Variants in CSMD3 observed in about 807,000 individuals in gnomAD.
The protein encoded by CSMD3 is CUB and Sushi multiple domains 3, also known as CUB and sushi domain-containing protein 3.
In CSMD3, 177 loss-of-function variants were observed where a neutral mutation model predicts 435.2. The ratio of observed to expected loss-of-function variants is 0.41; its 90% CI spans 0.36 to 0.46. The LOEUF is 0.46. Ranked by LOEUF, CSMD3 falls within the 20% of genes least tolerant of loss-of-function variation. The pLI is 0.34. For missense variants in CSMD3, 4,265 were observed against 4,504.6 expected (o/e 0.95, Z 1.52); for synonymous variants, 1,656 against 1,520.5 (o/e 1.09, Z -2.07).
intron 32 of CSMD3, among the ~76,000 whole-genome samples, chr8:112,456,447 A>G (rs891055681): frequency 1.3e-5 from 2 of 152,146 alleles, no homozygotes; most frequent in Non-Finnish European, 1.5e-5. Context: ...ATGAAATACT[A>G]TTAAGAAAAC....
chr8:112,299,377 T>G (rs548913203), intron 53 of CSMD3, among the ~76,000 whole-genome samples: 23 of 152,218 alleles, frequency 1.5e-4, no homozygotes, highest in African/African-American at 5.1e-4. Context: ...AAAAAAAACT[T>G]TGAACAAATA....
intron 9 of CSMD3, among the ~76,000 whole-genome samples, chr8:112,923,190 C>T (rs929001555): frequency 6.6e-6 from 1 of 152,076 alleles, no homozygotes; most frequent in Admixed American, 6.6e-5. Flanking sequence ...TTTCCTCTTT[C>T]TGTTCTTGCC....
Position 112,517,241 on chromosome 8 carries a change from G to A in CSMD3, c.4565-16C>T, listed in dbSNP as rs2130990716. The A allele has an allele frequency of 1.2e-6, 2 of 1,608,570 alleles. No homozygotes were observed. The highest frequency in any genetic ancestry group is 1.7e-6 in the Non-Finnish European group (2 of 1,176,154). On this transcript the variant is annotated splice_polypyrimidine_tract_variant and intron_variant, in intron 27 of 70. Coordinates refer to ENST00000297405, the MANE Select transcript of CSMD3 (RefSeq NM_198123.2). ...GCAACAGAACCTATCAAAAGACAGA[G>A]ACAAAATTTTAGTTTTGATAACTAC...
At chr8:113,251,512 T>TA (rs1404554063) in intron 3 of CSMD3, among the ~76,000 whole-genome samples, 2 of 149,142 alleles carry the variant, frequency 1.3e-5, no homozygotes, top group East Asian at 4.0e-4. Context: ...TATTAAGACA[T>TA]AAAAAATGTC....
intron 9 of CSMD3, among the ~76,000 whole-genome samples, chr8:112,935,250 G>T (rs1325320065): frequency 6.6e-6 from 1 of 151,862 alleles, no homozygotes; most frequent in Non-Finnish European, 1.5e-5. Flanking sequence ...TGTTCCATTG[G>T]TCTCTCCTTG....
At chr8:112,844,574 C>T (rs969353780) in intron 11 of CSMD3, among the ~76,000 whole-genome samples, 1 of 151,984 alleles carries the variant, frequency 6.6e-6, no homozygotes, top group South Asian at 2.1e-4. Flanking sequence ...CTTCCCCCAA[C>T]CTGCTTCCTA....
At chr8:113,409,836 TC>T (rs562642090) in intron 1 of CSMD3, among the ~76,000 whole-genome samples, 1 of 152,152 alleles carries the variant, frequency 6.6e-6, no homozygotes, top group Admixed American at 6.5e-5. Context: ...TGCTTTGGAT[TC>T]TTTGGTATGT....
chr8:112,871,174 AG>A (rs1206492358), intron 10 of CSMD3, among the ~76,000 whole-genome samples: 2 of 152,210 alleles, frequency 1.3e-5, no homozygotes, highest in Admixed American at 1.3e-4. Context: ...AGCATCCCCA[AG>A]TTGGCAGATG....
intron 35 of CSMD3, among the ~76,000 whole-genome samples, chr8:112,399,899 C>T (rs1831173396): frequency 6.6e-6 from 1 of 152,020 alleles, no homozygotes; most frequent in Non-Finnish European, 1.5e-5. Context: ...AAGATGTTGC[C>T]TTTCTCTAGA....
chr8:112,983,391 C>G (rs1440698046), intron 6 of CSMD3, among the ~76,000 whole-genome samples: 1 of 151,124 alleles, frequency 6.6e-6, no homozygotes, highest in East Asian at 1.9e-4. Flanking sequence ...CATAAGCCTG[C>G]TTTTATGTAT....
chr8:112,449,733 T>C (rs1398681952), intron 32 of CSMD3, among the ~76,000 whole-genome samples: 2 of 152,186 alleles, frequency 1.3e-5, no homozygotes, highest in African/African-American at 4.8e-5. Flanking sequence ...AAAGTTCTAA[T>C]AGGAATGTTC....
intron 32 of CSMD3, among the ~76,000 whole-genome samples, chr8:112,415,109 G>C (rs903227578): frequency 2.2e-4 from 33 of 152,192 alleles, no homozygotes; most frequent in Non-Finnish European, 4.6e-4. Flanking sequence ...GGACAATAGG[G>C]AAAATGTCTC....
At chr8:112,808,823 G>C (rs550261616) in intron 12 of CSMD3, among the ~76,000 whole-genome samples, 1 of 151,590 alleles carries the variant, frequency 6.6e-6, no homozygotes, top group Non-Finnish European at 1.5e-5. Flanking sequence ...AGCGCTAGCC[G>C]TCTCTCGGTC....
At chr8:112,591,575 C>CT (rs901844388) in intron 22 of CSMD3, among the ~76,000 whole-genome samples, 1 of 151,994 alleles carries the variant, frequency 6.6e-6, no homozygotes, top group Non-Finnish European at 1.5e-5. Context: ...ACAACTGAGT[C>CT]TTTTTATTTT....
chr8:112,685,852 TA>T, intron 14 of CSMD3, 120 bp from the exon 15 acceptor site: 1 of 717,544 alleles, frequency 1.4e-6, no homozygotes, highest in African/African-American at 1.8e-5. Context: ...TTAAATTATG[TA>T]AATTATAAAA....
chr8:112,684,987 C>T (rs941306894), intron 15 of CSMD3, among the ~76,000 whole-genome samples: 1 of 152,024 alleles, frequency 6.6e-6, no homozygotes, highest in Non-Finnish European at 1.5e-5. Flanking sequence ...TAATTCTATG[C>T]CATGATTAGT....
intron 53 of CSMD3, among the ~76,000 whole-genome samples, chr8:112,300,789 C>A (rs1401958955): frequency 6.6e-6 from 1 of 152,048 alleles, no homozygotes; most frequent in African/African-American, 2.4e-5. Flanking sequence ...ACATTTTAAC[C>A]AAAACTTCTA....
At chr8:113,267,912 G>T (rs906467168) in intron 3 of CSMD3, among the ~76,000 whole-genome samples, 2 of 151,448 alleles carry the variant, frequency 1.3e-5, no homozygotes, top group Admixed American at 1.3e-4. Flanking sequence ...GATACATGCC[G>T]AAATTATTTA....
chr8:113,252,727 T>C (rs2132307742), intron 3 of CSMD3, among the ~76,000 whole-genome samples: 1 of 152,302 alleles, frequency 6.6e-6, no homozygotes, highest in East Asian at 1.9e-4. Flanking sequence ...TGCTAAAATA[T>C]TAAGCTGTTT....
Sources: gnomAD v4.1 joint callset for allele counts (sites outside exome capture counted in the v4.1 genomes callset) on GRCh38, gnomAD v4.1.1 for gene constraint, MANE v1.5 for transcripts, NCBI Gene and HGNC (gene_info 2026-07-23, HGNC 2026-07-21) for gene names.